Variants in VEPH1 observed in about 807,000 individuals in gnomAD.
VEPH1 encodes the protein ventricular zone expressed PH domain containing 1, also known as ventricular zone-expressed PH domain-containing protein homolog 1.
In VEPH1, 80 loss-of-function variants were observed where a neutral mutation model predicts 85.2. The observed-to-expected ratio is 0.94, with a 90% CI of 0.78 to 1.13. The LOEUF (loss-of-function observed/expected upper bound fraction) is 1.13. Ranked by LOEUF, VEPH1 falls within the 50% of genes most tolerant of loss-of-function variation. The pLI, the probability that VEPH1 is intolerant of heterozygous loss-of-function variation, is 0.00. For synonymous variants in VEPH1, 297 were observed against 348.0 expected (o/e 0.85, Z 1.63); for missense variants, 955 against 980.5 (o/e 0.97, Z 0.35).
intron 4 of VEPH1, among the ~76,000 whole-genome samples, chr3:157,434,312 C>G (rs1188294391): frequency 2.0e-5 from 3 of 151,978 alleles, no homozygotes; most frequent in Non-Finnish European, 4.4e-5. Context: ...TTTCTTCTCT[C>G]TCTCTCTCCT....
intron 9 of VEPH1, among the ~76,000 whole-genome samples, chr3:157,334,298 G>A (rs1055428349): frequency 8.5e-5 from 13 of 152,072 alleles, no homozygotes; most frequent in African/African-American, 1.7e-4. Flanking sequence ...GCCAATTCTC[G>A]GGATATACCA....
chr3:157,474,471 T>C (rs1737258379), intron 2 of VEPH1, among the ~76,000 whole-genome samples: 1 of 152,226 alleles, frequency 6.6e-6, no homozygotes, highest in Non-Finnish European at 1.5e-5. Flanking sequence ...ACAACCTATA[T>C]TGTATCAAGT....
chr3:157,413,483 C>A, intron 6 of VEPH1: 1 of 985,344 alleles, frequency 1.0e-6, no homozygotes, highest in Non-Finnish European at 1.2e-6. Context: ...GAAATTGCAA[C>A]CTGAAATGAG....
At chr3:157,474,436 T>C (rs1737256501) in intron 2 of VEPH1, among the ~76,000 whole-genome samples, 1 of 152,236 alleles carries the variant, frequency 6.6e-6, no homozygotes, top group Admixed American at 6.5e-5. Context: ...TTGCCTATTT[T>C]ATTCTTATTT....
chr3:157,321,864 T>TGTGA (rs533211268), intron 9 of VEPH1, among the ~76,000 whole-genome samples: 8 of 152,216 alleles, frequency 5.3e-5, no homozygotes, highest in Non-Finnish European at 1.0e-4. Flanking sequence ...TCTCCTAGAT[T>TGTGA]GTGAGCTCCA....
intron 4 of VEPH1, among the ~76,000 whole-genome samples, chr3:157,430,827 A>C (rs1458120689): frequency 6.6e-6 from 1 of 152,226 alleles, no homozygotes; most frequent in Non-Finnish European, 1.5e-5. Flanking sequence ...ATTAGAAATT[A>C]TCTCAAAATT....
intron 11 of VEPH1, among the ~76,000 whole-genome samples, chr3:157,292,041 G>T (rs1717536632): frequency 6.6e-6 from 1 of 152,104 alleles, no homozygotes; most frequent in Non-Finnish European, 1.5e-5. Context: ...ATTGAACAAT[G>T]ATGTTTGTCT....
intron 4 of VEPH1, among the ~76,000 whole-genome samples, chr3:157,457,590 A>G (rs1329664633): frequency 6.6e-6 from 1 of 152,182 alleles, no homozygotes; most frequent in Admixed American, 6.5e-5. Flanking sequence ...TTTAACATGA[A>G]GCGGTGTTGA....
chr3:157,480,187 T>C (rs1034383290), intron 2 of VEPH1, among the ~76,000 whole-genome samples: 76 of 152,178 alleles, frequency 5.0e-4, no homozygotes, highest in African/African-American at 1.7e-3. Context: ...ATATTCCTTA[T>C]CTCTGAAGAA....
intron 11 of VEPH1, among the ~76,000 whole-genome samples, chr3:157,299,917 A>G (rs1718590642): frequency 6.6e-6 from 1 of 152,192 alleles, no homozygotes; most frequent in Admixed American, 6.5e-5. Context: ...TCACTGCTCC[A>G]TGGACTTTAC....
intron 9 of VEPH1, among the ~76,000 whole-genome samples, chr3:157,360,257 G>A (rs1041309025): frequency 5.3e-5 from 8 of 152,012 alleles, no homozygotes; most frequent in Admixed American, 6.6e-5. Flanking sequence ...CTTTCTCAGC[G>A]GATGTATTAC....
chr3:157,482,669 T>G (rs1265354860), intron 2 of VEPH1, among the ~76,000 whole-genome samples: 1 of 152,228 alleles, frequency 6.6e-6, no homozygotes. Context: ...TTCAGTAGTG[T>G]TTTGTAGCTG....
At chr3:157,349,675 T>G (rs1724631889) in intron 9 of VEPH1, among the ~76,000 whole-genome samples, 1 of 152,056 alleles carries the variant, frequency 6.6e-6, no homozygotes, top group African/African-American at 2.4e-5. Flanking sequence ...ATAAATGAAC[T>G]CAGTAAAGTT....
chr3:157,484,161 A>C (rs1413053859), intron 2 of VEPH1, among the ~76,000 whole-genome samples: 1 of 152,210 alleles, frequency 6.6e-6, no homozygotes, highest in Non-Finnish European at 1.5e-5. Flanking sequence ...AATAGAAACT[A>C]CTGAGAAATG....
intron 10 of VEPH1, among the ~76,000 whole-genome samples, chr3:157,314,164 C>G (rs748251762): frequency 1.5e-4 from 23 of 151,396 alleles, no homozygotes; most frequent in South Asian, 6.3e-4. Context: ...AACCCCGTCT[C>G]TACTAAAAAT....
intron 4 of VEPH1, 127 bp downstream of exon 4, chr3:157,460,054 G>A (rs1735698727): frequency 6.3e-7 from 1 of 1,593,436 alleles, no homozygotes; most frequent in East Asian, 2.2e-5. Flanking sequence ...TCAACTGGCA[G>A]CAAAACAGAG....
chr3:157,458,690 T>G (rs1200670214), intron 4 of VEPH1, among the ~76,000 whole-genome samples: 1 of 152,216 alleles, frequency 6.6e-6, no homozygotes, highest in African/African-American at 2.4e-5. Context: ...AGCCATAAAT[T>G]TATTGCCAAG....
chr3:157,371,677 CAG>C (rs541433090), intron 7 of VEPH1, among the ~76,000 whole-genome samples: 2 of 152,306 alleles, frequency 1.3e-5, no homozygotes, highest in South Asian at 4.1e-4. Context: ...TGGACCAGGG[CAG>C]AGGCCTTTTT....
intron 9 of VEPH1, among the ~76,000 whole-genome samples, chr3:157,359,816 T>C (rs1328453359): frequency 1.3e-5 from 2 of 152,256 alleles, no homozygotes; most frequent in Admixed American, 6.5e-5. Context: ...TTTTTTCATA[T>C]GGACCAACCT....
Sources: allele counts gnomAD v4.1 joint callset (sites outside exome capture counted in the v4.1 genomes callset), GRCh38; gene constraint gnomAD v4.1.1; transcripts MANE v1.5; gene names NCBI Gene and HGNC (gene_info 2026-07-23, HGNC 2026-07-21).